PKP4: variants seen among roughly 807,000 people sequenced by gnomAD.
PKP4 encodes plakophilin-4.
Under a neutral mutation model 145.1 loss-of-function variants are expected in PKP4, and 90 were observed. The observed-to-expected ratio is 0.62, with a 90% CI of 0.52 to 0.74. The LOEUF (loss-of-function observed/expected upper bound fraction) is 0.74. PKP4 is among the 30% of genes least tolerant of loss of function. The probability of loss-of-function intolerance (pLI) is 0.00; values close to 1 mark genes in which losing one functional copy is unlikely to be tolerated. For synonymous variants in PKP4, 563 were observed against 577.2 expected (o/e 0.98, Z 0.35); for missense variants, 1,340 against 1,482.7 (o/e 0.90, Z 1.58).
At chr2:158,633,852 T>C (rs1225947504) in intron 8 of PKP4, among the ~76,000 whole-genome samples, 1 of 152,232 alleles carries the variant, frequency 6.6e-6, no homozygotes, top group Non-Finnish European at 1.5e-5. Flanking sequence ...AGTTTCACTT[T>C]TGCTGTTTCT....
At chr2:158,501,952 G>A (rs1014238043) in intron 1 of PKP4, among the ~76,000 whole-genome samples, 2 of 152,170 alleles carry the variant, frequency 1.3e-5, no homozygotes, top group African/African-American at 4.8e-5. Flanking sequence ...GTGTGCCTCA[G>A]GAGCATGGTG....
chr2:158,664,902 C>G (rs2056938633), intron 15 of PKP4, among the ~76,000 whole-genome samples: 1 of 151,876 alleles, frequency 6.6e-6, no homozygotes, highest in African/African-American at 2.4e-5. Context: ...TGTAGAACAG[C>G]GTTCACCTTC....
chr2:158,592,913 G>A (rs1209020036), intron 3 of PKP4, among the ~76,000 whole-genome samples: 1 of 152,086 alleles, frequency 6.6e-6, no homozygotes, highest in Non-Finnish European at 1.5e-5. Flanking sequence ...TCTTACTGTA[G>A]ACTGCTACAG....
chr2:158,621,843 A>G (rs1172033644), intron 6 of PKP4, among the ~76,000 whole-genome samples: 2 of 152,074 alleles, frequency 1.3e-5, no homozygotes, highest in Non-Finnish European at 2.9e-5. Flanking sequence ...TACAATTTTT[A>G]TAGAATGGAT....
At chr2:158,529,524 G>A (rs1186664655) in intron 1 of PKP4, among the ~76,000 whole-genome samples, 1 of 152,188 alleles carries the variant, frequency 6.6e-6, no homozygotes, top group Admixed American at 6.5e-5. Flanking sequence ...GATACAGTGT[G>A]TGCATTCCTG....
chr2:158,609,037 G>T (rs150481704), intron 4 of PKP4, among the ~76,000 whole-genome samples: 4 of 151,486 alleles, frequency 2.6e-5, no homozygotes, highest in Admixed American at 6.6e-5. Flanking sequence ...GGCTGGTCTC[G>T]AACTCCTAAC....
chr2:158,669,716 G>A lies in PKP4; in HGVS notation c.2729-4G>A, dbSNP rs2057400505. The A allele has an allele frequency of 1.3e-6, 2 of 1,530,244 alleles. No individual in the cohort carries two copies. The highest frequency in any genetic ancestry group is 1.4e-5 in the African/African-American group (1 of 72,576). The allele number at this position is 1,530,244 out of a possible 1,614,324, so 94.8% of individuals were successfully genotyped here. A position where few individuals can be genotyped will look rare whatever the true frequency, so the allele number is the denominator to read the frequency against. ...AGTAGAATTTACTCTTTTGCCGTTG[G>A]CAGGCAAATACGCCATGCGAGACCT... On this transcript the variant is annotated splice_region_variant and splice_polypyrimidine_tract_variant and intron_variant, in intron 16 of 21. Coordinates refer to ENST00000389759, the MANE Select transcript of PKP4 (RefSeq NM_003628.6).
intron 2 of PKP4, among the ~76,000 whole-genome samples, chr2:158,552,721 T>G (rs1173783349): frequency 2.0e-5 from 3 of 152,206 alleles, no homozygotes; most frequent in African/African-American, 7.2e-5. Context: ...ACATAAATTT[T>G]TTTGGTTTCC....
At chr2:158,466,959 A>G (rs1277454888) in intron 1 of PKP4, among the ~76,000 whole-genome samples, 1 of 152,242 alleles carries the variant, frequency 6.6e-6, no homozygotes, top group Non-Finnish European at 1.5e-5. Context: ...AGTAGATATA[A>G]TTTAAAGCAC....
chr2:158,563,952 G>A (rs985073788), intron 2 of PKP4, among the ~76,000 whole-genome samples: 2 of 152,096 alleles, frequency 1.3e-5, no homozygotes, highest in Admixed American at 6.6e-5. Context: ...TACCACGTTC[G>A]AGGAATTGAC....
intron 2 of PKP4, among the ~76,000 whole-genome samples, chr2:158,534,134 G>GT (rs1305185268): frequency 1.3e-5 from 2 of 151,896 alleles, no homozygotes; most frequent in South Asian, 2.1e-4. Context: ...GCCACTAGAT[G>GT]TTTTTTTCTC....
intron 11 of PKP4, among the ~76,000 whole-genome samples, chr2:158,653,943 T>C (rs1426490678): frequency 6.6e-6 from 1 of 152,216 alleles, no homozygotes; most frequent in Admixed American, 6.5e-5. Context: ...GGAGAGAACA[T>C]TGTTTTAGTG....
chr2:158,538,534 CTTT>C (rs11346852), intron 2 of PKP4, among the ~76,000 whole-genome samples: 2 of 110,058 alleles, frequency 1.8e-5, no homozygotes, highest in Non-Finnish European at 3.7e-5. Context: ...TCTCTAACCA[CTTT>C]TTTTTTTTTT....
chr2:158,602,973 A>G (rs2050349808), intron 3 of PKP4, 97 bp from the exon 4 acceptor site: 2 of 620,256 alleles, frequency 3.2e-6, no homozygotes, highest in African/African-American at 1.9e-5. Flanking sequence ...TGTATAATTT[A>G]ATGTGGAAAT....
chr2:158,626,818 A>G (rs1363230647), intron 7 of PKP4, among the ~76,000 whole-genome samples: 3 of 152,180 alleles, frequency 2.0e-5, no homozygotes, highest in Non-Finnish European at 4.4e-5. Context: ...TGAAACTACA[A>G]GTTCTTTTGT....
chr2:158,614,067 C>T (rs1157343327), intron 4 of PKP4, among the ~76,000 whole-genome samples: 3 of 152,018 alleles, frequency 2.0e-5, no homozygotes, highest in Admixed American at 6.6e-5. Context: ...AACACATTTC[C>T]AAGACATCTG....
Position 158,663,072 on chromosome 2 carries a change from C to G in PKP4, c.2387C>G (p.Thr796Ser). Reference sequence around the variant, plus strand: ...AAGAAGAAGAAAAAGAAAAAGAGGACTCCGCAAGAAGATCAAGTTAGCATT... The same window carrying G: ...AAGAAGAAGAAAAAGAAAAAGAGGAGTCCGCAAGAAGATCAAGTTAGCATT... ...WGKKKKKKKR[T>S]PQEDQWDGVG... The change falls in exon 14 of 22, where the codon ACT (threonine) becomes AGT (serine). Residue 796 changes from threonine to serine, a missense_variant. By Grantham distance (58) the Thr-to-Ser change is moderately conservative. Coordinates refer to ENST00000389759, the MANE Select transcript of PKP4 (RefSeq NM_003628.6). 2 of 1,608,624 alleles carry G rather than the reference C, an allele frequency of 1.2e-6. No individual in the cohort carries two copies. Among genetic ancestry groups the G allele is most frequent in the South Asian group, 2.2e-5 (2 of 90,478 alleles).
chr2:158,481,093 T>C (rs754317227), intron 1 of PKP4, among the ~76,000 whole-genome samples: 10 of 152,220 alleles, frequency 6.6e-5, no homozygotes, highest in Non-Finnish European at 1.3e-4. Flanking sequence ...ATTATACTTT[T>C]TGTTTTTAAA....
At chr2:158,578,289 C>T (rs1020190791) in intron 3 of PKP4, 15 of 168,368 alleles carry the variant, frequency 8.9e-5, no homozygotes, top group Non-Finnish European at 2.1e-4. Flanking sequence ...ATGAATTTTT[C>T]ATCTCTCTTA....
Sources: gnomAD v4.1 joint callset for allele counts (sites outside exome capture counted in the v4.1 genomes callset) on GRCh38, gnomAD v4.1.1 for gene constraint, MANE v1.5 for transcripts, NCBI Gene and HGNC (gene_info 2026-07-23, HGNC 2026-07-21) for gene names.